Variants in SMOC1 observed in about 807,000 individuals in gnomAD.
SMOC1 encodes the protein SPARC related modular calcium binding 1, also known as SPARC-related modular calcium-binding protein 1.
SMOC1 carries 22 observed loss-of-function variants against 56.3 expected under a neutral mutation model. The observed-to-expected ratio is 0.39, with a 90% CI of 0.28 to 0.56. SMOC1 has a LOEUF of 0.56. Ranked by LOEUF, SMOC1 falls within the 20% of genes least tolerant of loss-of-function variation. The pLI, the probability that SMOC1 is intolerant of heterozygous loss-of-function variation, is 0.61. For synonymous variants in SMOC1, 193 were observed against 215.0 expected, an observed-to-expected ratio of 0.90 and a Z score of 0.89; for missense variants, 509 against 565.4, an observed-to-expected ratio of 0.90 and a Z score of 1.01.
intron 1 of SMOC1, among the ~76,000 whole-genome samples, chr14:69,932,004 A>G (rs1287099408): frequency 6.6e-6 from 1 of 152,246 alleles, no homozygotes; most frequent in Non-Finnish European, 1.5e-5. Context: ...CACCAGGGCC[A>G]AAGCCATGGA....
intron 1 of SMOC1, among the ~76,000 whole-genome samples, chr14:69,908,906 C>T (rs117029769): frequency 0.018 from 2,788 of 152,064 alleles, 52 homozygotes; most frequent in Non-Finnish European, 0.026. Flanking sequence ...GTGTGTGAGA[C>T]AAGTCTATTT....
rs1325943209 is a variant in SMOC1, at chr14:69,911,780, T to A, written c.99+32003T>A. 8.5e-5 allele frequency among the ~76,000 whole-genome samples: 13 copies of A among 152,240 alleles called. 1 individual carries two copies. The highest frequency in any genetic ancestry group is 8.5e-4 in the Admixed American group (13 of 15,288). ...TGAAGGACATTTGGGTTGTTTCCAG[T>A]TTTTGGCAATTATGAATAAAGCTGT... On this transcript the variant is annotated intron_variant, in intron 1 of 11. Coordinates refer to ENST00000361956, the MANE Select transcript of SMOC1 (RefSeq NM_001034852.3).
At chr14:70,009,621 G>A (rs1182411816) in intron 7 of SMOC1, among the ~76,000 whole-genome samples, 1 of 152,112 alleles carries the variant, frequency 6.6e-6, no homozygotes, top group Non-Finnish European at 1.5e-5. Flanking sequence ...AAGAGTTGTA[G>A]AATAGTGGTA....
At chr14:69,995,658 C>T (rs1248376769) in intron 7 of SMOC1, among the ~76,000 whole-genome samples, 1 of 152,216 alleles carries the variant, frequency 6.6e-6, no homozygotes, top group Non-Finnish European at 1.5e-5. Context: ...ATGGGAATCA[C>T]AATCTCTCCC....
chr14:69,917,502 T>A (rs1884716880), intron 1 of SMOC1, among the ~76,000 whole-genome samples: 1 of 152,188 alleles, frequency 6.6e-6, no homozygotes. Flanking sequence ...AATGACACAT[T>A]TAGAAAACAT....
At position 69,992,448 on chromosome 14, in the gene SMOC1, G is replaced by A. The variant is rs142051278; in HGVS notation, c.558G>A (p.Glu186=). The A allele has an allele frequency of 2.5e-6, 4 of 1,613,908 alleles. No individual in the cohort carries two copies. Among genetic ancestry groups the A allele is most frequent in the Admixed American group, 1.7e-5 (1 of 60,002 alleles). ...DDGSKPTPTM[E]TQPVFDGDEI... is the part of the protein sequence containing the mutation. ...GGTCTAAGCCGACACCCACGATGGA[G>A]ACCCAGCCGGTGTTCGATGGAGATG... Residue 186 remains glutamate (E), a synonymous_variant, in exon 6 of 12, where the codon GAG becomes GAA. Transcript: ENST00000361956.
At chr14:69,997,913 G>C (rs1170213978) in intron 7 of SMOC1, among the ~76,000 whole-genome samples, 5 of 152,076 alleles carry the variant, frequency 3.3e-5, no homozygotes, top group Non-Finnish European at 7.4e-5. Context: ...CGGGGTGAGA[G>C]CTCTTCTTCT....
At chr14:69,948,860 C>A (rs1882890633) in intron 1 of SMOC1, among the ~76,000 whole-genome samples, 2 of 152,312 alleles carry the variant, frequency 1.3e-5, no homozygotes, top group African/African-American at 4.8e-5. Context: ...AGAAGCTAGG[C>A]AACGTTTCCA....
intron 5 of SMOC1, among the ~76,000 whole-genome samples, chr14:69,988,510 T>C (rs1884449485): frequency 6.6e-6 from 1 of 152,238 alleles, no homozygotes; most frequent in South Asian, 2.1e-4. Context: ...CCTCATGATT[T>C]ATTTGTGATG....
intron 1 of SMOC1, among the ~76,000 whole-genome samples, chr14:69,911,102 G>A (rs1376050913): frequency 6.6e-6 from 1 of 152,186 alleles, no homozygotes; most frequent in African/African-American, 2.4e-5. Context: ...GGCCTGTATG[G>A]CGCAGCATAC....
intron 5 of SMOC1, among the ~76,000 whole-genome samples, chr14:69,980,905 C>T (rs74060665): frequency 0.014 from 2,193 of 152,266 alleles, 52 homozygotes; most frequent in African/African-American, 0.049. Context: ...CCAGCCTTCT[C>T]TTTCCCTAGC....
At position 69,945,821 on chromosome 14, in the gene SMOC1, C is replaced by T. The variant is rs146086368; in HGVS notation, c.100-6317C>T. Reference sequence around the variant, plus strand: ...ACTTGCTGCTCCAAATTGTGGACTTCACTCTCCCAAATCCAGTGGATAGAC... The same window carrying T: ...ACTTGCTGCTCCAAATTGTGGACTTTACTCTCCCAAATCCAGTGGATAGAC... On this transcript the variant is annotated intron_variant, in intron 1 of 11. Coordinates refer to ENST00000361956, the MANE Select transcript of SMOC1 (RefSeq NM_001034852.3). Among the ~76,000 whole-genome samples the T allele has an allele frequency of 2.5e-3, 382 of 152,330 alleles. 4 individuals are homozygous for T. Among genetic ancestry groups the T allele is most frequent in the African/African-American group, 8.9e-3 (370 of 41,566 alleles).
intron 10 of SMOC1, among the ~76,000 whole-genome samples, chr14:70,017,351 G>T (rs538897855): frequency 3.3e-5 from 5 of 152,314 alleles, no homozygotes; most frequent in African/African-American, 1.2e-4. Context: ...AGGAGCAGAG[G>T]TATGAGGCAG....
intron 1 of SMOC1, among the ~76,000 whole-genome samples, chr14:69,945,427 C>T (rs113118210): frequency 6.2e-4 from 95 of 152,224 alleles, no homozygotes; most frequent in African/African-American, 1.5e-3. Context: ...AAGAATCAAA[C>T]GCCCAGGCAA....
At chr14:69,903,725 A>G (rs571437653) in intron 1 of SMOC1, among the ~76,000 whole-genome samples, 39 of 152,220 alleles carry the variant, frequency 2.6e-4, no homozygotes, top group African/African-American at 8.9e-4. Context: ...AATAGTCATC[A>G]CCACTCCCTA....
intron 5 of SMOC1, among the ~76,000 whole-genome samples, chr14:69,982,640 C>A (rs150499368): frequency 5.5e-4 from 83 of 152,264 alleles, no homozygotes; most frequent in African/African-American, 1.9e-3. Context: ...GGCTGGCTGT[C>A]GAGGGACATT....
chr14:70,020,151 C>CTT (rs78716484), intron 10 of SMOC1, among the ~76,000 whole-genome samples: 28,693 of 146,636 alleles, frequency 0.2, 3,488 homozygotes, highest in East Asian at 0.42. Context: ...TTGTTTTTGT[C>CTT]TTTTTTTTTT....
chr14:69,961,270 GTGTATATATATATATATATATATA>G (rs1471773488), intron 3 of SMOC1, among the ~76,000 whole-genome samples: 36 of 59,692 alleles, frequency 6.0e-4, no homozygotes, highest in Admixed American at 2.5e-3. Context: ...ATATTCTATT[GTGTATATATATATATATATATATA>G]TATATATATA....
At chr14:69,917,972 A>C (rs1273971752) in intron 1 of SMOC1, among the ~76,000 whole-genome samples, 1 of 152,164 alleles carries the variant, frequency 6.6e-6, no homozygotes, top group African/African-American at 2.4e-5. Flanking sequence ...GCCTCTAGTA[A>C]TGTGGTCCCC....
Sources: gnomAD v4.1 joint callset for allele counts (sites outside exome capture counted in the v4.1 genomes callset) on GRCh38, gnomAD v4.1.1 for gene constraint, MANE v1.5 for transcripts, NCBI Gene and HGNC (gene_info 2026-07-23, HGNC 2026-07-21) for gene names.